Variants in TIAM2 observed in about 807,000 individuals in gnomAD.
The protein encoded by TIAM2 is rho guanine nucleotide exchange factor TIAM2.
Under a neutral mutation model 152.9 loss-of-function variants are expected in TIAM2, and 80 were observed. That is an observed-to-expected ratio of 0.52 (90% CI 0.44 to 0.63). The LOEUF is 0.63. TIAM2 is among the 30% of genes least tolerant of loss of function. The pLI is 0.00. For missense variants in TIAM2, 1,965 were observed against 2,120.1 expected (o/e 0.93, Z 1.44); for synonymous variants, 804 against 838.0 (o/e 0.96, Z 0.70).
At chr6:155,002,980 C>T (rs1778338745) in intron 1 of TIAM2, among the ~76,000 whole-genome samples, 1 of 152,132 alleles carries the variant, frequency 6.6e-6, no homozygotes, top group Admixed American at 6.6e-5. Context: ...AGGTGTGAGC[C>T]ACTGAGCCCA....
In TIAM2 at chr6:155,189,299, C is replaced by T. The variant is rs1781130314; in HGVS notation, c.3064+5799C>T. Among the ~76,000 whole-genome samples the T allele has an allele frequency of 1.3e-5, 2 of 152,004 alleles. 1 individual carries two copies. Among genetic ancestry groups the T allele is most frequent in the South Asian group, 4.1e-4 (2 of 4,824 alleles). ...TTAGTGAGTCTGGCTGGCTGATACC[C>T]CAGATTTCCAGATGTAAAAACATAT... On this transcript the variant is annotated intron_variant, in intron 14 of 26. Transcript: ENST00000682666.
intron 16 of TIAM2, among the ~76,000 whole-genome samples, chr6:155,241,204 T>C (rs1562368211): frequency 6.6e-6 from 1 of 152,242 alleles, no homozygotes; most frequent in Admixed American, 6.5e-5. Context: ...TGCACCATTA[T>C]GAAGGGGCAG....
In TIAM2 at chr6:155,028,504, CATAT is replaced by C. The variant is rs550706175; in HGVS notation, c.-209+33016_-209+33019del. On this transcript the variant is annotated intron_variant, in intron 1 of 26. Transcript: ENST00000682666. ...TATACTACATATATATACTGTGTTA[CATAT>C]ATACTACATATAATATATATACTGT... Among the ~76,000 whole-genome samples, 159 of 130,828 alleles carry C rather than the reference CATAT, an allele frequency of 1.2e-3. 2 individuals carry two copies. The highest frequency in any genetic ancestry group is 4.3e-3 in the African/African-American group (150 of 34,906). 85.8% of individuals were successfully genotyped at this position (130,828 alleles called of 152,430 possible).
rs1033428490 is a variant in TIAM2 at position 155,156,681 on chromosome 6, A to T, written c.2029-7734A>T. On this transcript the variant is annotated intron_variant, in intron 7 of 26. Coordinates refer to ENST00000682666, the MANE Select transcript of TIAM2 (RefSeq NM_012454.4). The surrounding 1 kb of genome is among the most constrained non-coding windows in gnomAD (Gnocchi z 4.4). ...AAATAAATAAATAAATAAATAAAGTAAAAAAATAAAAAGCACATGTGATCC... is the reference window on the plus strand; with the variant it reads ...AAATAAATAAATAAATAAATAAAGTTAAAAAATAAAAAGCACATGTGATCC... Among the ~76,000 whole-genome samples, 10 of 152,096 alleles carry T rather than the reference A, an allele frequency of 6.6e-5. No homozygotes were observed. Among genetic ancestry groups the T allele is most frequent in the Admixed American group, 6.6e-4 (10 of 15,262 alleles).
At chr6:155,140,556 A>ATGTGTG (rs201167708) in intron 5 of TIAM2, among the ~76,000 whole-genome samples, 43 of 120,096 alleles carry the variant, frequency 3.6e-4, no homozygotes, top group African/African-American at 1.3e-3. Flanking sequence ...CTGTGTGTGT[A>ATGTGTG]TGTGTGTGTG....
chr6:155,036,907 C>T (rs9397218), intron 1 of TIAM2, among the ~76,000 whole-genome samples: 22,091 of 152,006 alleles, frequency 0.15, 1,879 homozygotes, highest in East Asian at 0.32. Context: ...CATGAGCCAC[C>T]GCGCCTGGCC....
chr6:155,254,368 C>A, intron 25 of TIAM2, 51 bp from the exon 26 acceptor site: 1 of 1,588,394 alleles, frequency 6.3e-7, no homozygotes, highest in Non-Finnish European at 8.6e-7. Flanking sequence ...GGAATGGAAG[C>A]ACGATGAACA....
rs997780426 is a variant in TIAM2 at position 155,172,840 on chromosome 6, A to G, written c.2362-3976A>G. Among the ~76,000 whole-genome samples the G allele has an allele frequency of 2.7e-5, 4 of 150,810 alleles. No individual in the cohort carries two copies. The East Asian group carries it at 7.8e-4, about 29-fold the overall frequency. The stretch of plus-strand genomic sequence containing the variant: ...CATAGCAGCATCTTTGACATGGGTA[A>G]CCTGGAAAAAGAGTTTTCCAGATGG... On this transcript the variant is annotated intron_variant, in intron 9 of 26. Coordinates refer to ENST00000682666, the MANE Select transcript of TIAM2 (RefSeq NM_012454.4).
chr6:155,209,501 G>T (rs1781672528), intron 14 of TIAM2, among the ~76,000 whole-genome samples: 1 of 152,180 alleles, frequency 6.6e-6, no homozygotes, highest in Admixed American at 6.5e-5. Context: ...TAGCTTGTTG[G>T]TGAGGGGACT....
chr6:155,091,746 C>T (rs190755279), intron 2 of TIAM2, among the ~76,000 whole-genome samples: 70 of 152,036 alleles, frequency 4.6e-4, no homozygotes, highest in Non-Finnish European at 8.5e-4. Context: ...TCTAATTAGC[C>T]TTGGAGAGGT....
At chr6:155,247,920 C>G in intron 19 of TIAM2, 80 bp from the exon 20 acceptor site, 1 of 1,488,054 alleles carries the variant, frequency 6.7e-7, no homozygotes, top group South Asian at 1.3e-5. Flanking sequence ...AATAGATGAT[C>G]TATAAATGTT....
At position 155,137,474 on chromosome 6, in the gene TIAM2, C is replaced by A; in HGVS notation, c.1492C>A (p.Leu498Met). 1 of 1,614,236 alleles carries A rather than the reference C, an allele frequency of 6.2e-7. No individual in the cohort carries two copies. Reference protein sequence around the residue: ...ESLSSLEQLDLLFEKEQGVVR... With the variant: ...ESLSSLEQLDMLFEKEQGVVR... ...ACTCAGCTCTCTGGAACAGCTGGAT[C>A]TGCTCTTTGAGAAGGAACAGGGGGT... The change falls in exon 5 of 27, where the codon CTG (leucine) becomes ATG (methionine). Residue 498 changes from leucine (L) to methionine (M), a missense_variant. Coordinates refer to ENST00000682666, the MANE Select transcript of TIAM2 (RefSeq NM_012454.4).
intron 9 of TIAM2, among the ~76,000 whole-genome samples, chr6:155,175,433 T>C (rs1200698807): frequency 1.3e-5 from 2 of 152,214 alleles, no homozygotes; most frequent in Non-Finnish European, 2.9e-5. Flanking sequence ...GTATGATGAA[T>C]GATATATAAT....
At chr6:155,021,459 G>T (rs1023363690) in intron 1 of TIAM2, among the ~76,000 whole-genome samples, 3 of 151,914 alleles carry the variant, frequency 2.0e-5, no homozygotes, top group African/African-American at 7.3e-5. Flanking sequence ...ACGGGGTTTC[G>T]CCATGTTGGT....
At position 155,245,820 on chromosome 6, in the gene TIAM2, G is replaced by GT. The variant is rs1783294107; in HGVS notation, c.3652+90dup. ...TAAATCTGTATTTAACAAGTAGAGA[G>GT]TAAGTACAATTTTGATGTATTAAGG... On this transcript the variant is annotated intron_variant, in intron 19 of 26. Transcript: ENST00000682666. 5 of 898,508 alleles carry GT rather than the reference G, an allele frequency of 5.6e-6. No individual in the cohort carries two copies. In the East Asian group the frequency reaches 1.3e-4, roughly 23 times the overall value. 55.7% of individuals were successfully genotyped at this position (898,508 alleles called of 1,614,324 possible).
intron 3 of TIAM2, among the ~76,000 whole-genome samples, chr6:155,128,167 C>T (rs1779340726): frequency 6.6e-6 from 1 of 152,114 alleles, no homozygotes; most frequent in South Asian, 2.1e-4. Flanking sequence ...TTCTGATGCC[C>T]ATATTCTAAG....
intron 14 of TIAM2, among the ~76,000 whole-genome samples, chr6:155,198,815 C>T (rs963375738): frequency 2.6e-5 from 4 of 151,964 alleles, no homozygotes; most frequent in African/African-American, 7.3e-5. Flanking sequence ...GGAATGGTGC[C>T]GAGACTTTCT....
At chr6:155,173,320 A>G (rs918537205) in intron 9 of TIAM2, among the ~76,000 whole-genome samples, 4 of 152,054 alleles carry the variant, frequency 2.6e-5, no homozygotes, top group Admixed American at 1.3e-4. Flanking sequence ...CTTCTCTTCT[A>G]TGGTTCACTA....
At chr6:155,014,368 T>C (rs1462180906) in intron 1 of TIAM2, among the ~76,000 whole-genome samples, 2 of 152,194 alleles carry the variant, frequency 1.3e-5, no homozygotes, top group Non-Finnish European at 2.9e-5. Context: ...CTTTTTATTG[T>C]TTCTTTCTCA....
Sources: gnomAD v4.1 joint callset for allele counts (sites outside exome capture counted in the v4.1 genomes callset) on GRCh38, gnomAD v4.1.1 for gene constraint, Gnocchi (gnomAD v3.1) non-coding constraint, MANE v1.5 for transcripts, NCBI Gene and HGNC (gene_info 2026-07-23, HGNC 2026-07-21) for gene names.